CFAP47: variants seen among roughly 807,000 people sequenced by gnomAD.
The protein encoded by CFAP47 is cilia- and flagella-associated protein 47.
Under a neutral mutation model 148.1 loss-of-function variants are expected in CFAP47, and 29 were observed. That is an observed-to-expected ratio of 0.20 (90% CI 0.15 to 0.27). CFAP47 has a LOEUF of 0.27. Ranked by LOEUF, CFAP47 falls within the 10% of genes least tolerant of loss-of-function variation. The pLI is 1.00. For synonymous variants in CFAP47, 664 were observed against 577.3 expected, an observed-to-expected ratio of 1.15 and a Z score of -2.15; for missense variants, 1,872 against 1,697.5, an observed-to-expected ratio of 1.10 and a Z score of -1.81.
At chrX:36,009,107 C>T (rs1417413119) in intron 21 of CFAP47, among the ~76,000 whole-genome samples, 1 of 111,311 alleles carries the variant, frequency 9.0e-6, no homozygotes, top group Non-Finnish European at 1.9e-5. Flanking sequence ...TATAATTTTC[C>T]TTTTCTTCAC....
chrX:36,359,971 T>C (rs1421306910), intron 60 of CFAP47, among the ~76,000 whole-genome samples: 4 of 110,970 alleles, frequency 3.6e-5, no homozygotes, highest in Non-Finnish European at 5.7e-5. Flanking sequence ...GCCAGGATGG[T>C]CTCGATCTCC....
intron 39 of CFAP47, among the ~76,000 whole-genome samples, chrX:36,167,141 C>A (rs968260344): frequency 8.9e-6 from 1 of 112,048 alleles, no homozygotes. Context: ...GTTTAGCTTG[C>A]ATCTTTGTTG....
chrX:35,940,758 C>G (rs1157020450), intron 2 of CFAP47, among the ~76,000 whole-genome samples: 1 of 111,257 alleles, frequency 9.0e-6, no homozygotes, highest in Non-Finnish European at 1.9e-5. Context: ...CTTAGGGGTA[C>G]TTTTTAACCA....
In CFAP47 at chrX:36,065,714, T is replaced by A. The variant is rs1569247072; in HGVS notation, c.4289T>A (p.Leu1430Gln). Residue 1430 changes from leucine to glutamine, a missense_variant, in exon 27 of 64, where the codon CTG (leucine) becomes CAG (glutamine). By Grantham distance (113) the Leu-to-Gln change is moderately radical (BLOSUM62 -2). Transcript: ENST00000378653. ...LTIYPYMAIH[L>Q]DKQNIILKND... Reference sequence around the variant, plus strand: ...ATTTACCCATATATGGCAATTCATCTGGATAAGCAAAACATTATTTTAAAG... The same window carrying A: ...ATTTACCCATATATGGCAATTCATCAGGATAAGCAAAACATTATTTTAAAG... The A allele has an allele frequency of 8.5e-7, 1 of 1,177,780 alleles. No homozygotes were observed. The highest frequency in any genetic ancestry group is 1.2e-6 in the Non-Finnish European group (1 of 866,538).
At chrX:36,088,351 C>T (rs990949640) in intron 30 of CFAP47, among the ~76,000 whole-genome samples, 50 of 111,027 alleles carry the variant, frequency 4.5e-4, no homozygotes, top group African/African-American at 1.6e-3. Context: ...CTGAATTGTG[C>T]CCCATCCCAA....
At chrX:36,277,654 G>A (rs1419880797) in intron 49 of CFAP47, among the ~76,000 whole-genome samples, 1 of 112,398 alleles carries the variant, frequency 8.9e-6, no homozygotes, top group Non-Finnish European at 1.9e-5. Flanking sequence ...TATGTAGAAT[G>A]TGTTTTCAGT....
Position 35,971,934 on chromosome X carries a change from G to A in CFAP47, c.2223G>A (p.Leu741=). ...PQEKHDCSLM[L]TPKQIHQVIV... is the part of the protein sequence containing the mutation. The stretch of plus-strand genomic sequence containing the variant: ...AAAAACATGATTGCAGCTTAATGTT[G>A]ACACCAAAGCAAATTCATCAAGTAA... Residue 741 remains leucine (L), a synonymous_variant, in exon 13 of 64, where the codon TTG becomes TTA. Transcript: ENST00000378653. 1 of 1,192,107 alleles carries A rather than the reference G, an allele frequency of 8.4e-7. No individual in the cohort carries two copies. Among genetic ancestry groups the A allele is most frequent in the Non-Finnish European group, 1.1e-6 (1 of 881,088 alleles).
At chrX:36,303,999 A>G in intron 54 of CFAP47, 39 bp downstream of exon 54, 1 of 673,156 alleles carries the variant, frequency 1.5e-6, no homozygotes, top group Non-Finnish European at 2.3e-6. Flanking sequence ...TACTGCTGCT[A>G]GATCATTTTC....
At chrX:36,003,073 G>T (rs1016425520) in intron 21 of CFAP47, among the ~76,000 whole-genome samples, 16 of 111,052 alleles carry the variant, frequency 1.4e-4, no homozygotes, top group African/African-American at 5.2e-4. Context: ...GTTAGCAACA[G>T]TTATCTTTTT....
intron 42 of CFAP47, among the ~76,000 whole-genome samples, chrX:36,192,437 T>C (rs782006290): frequency 6.3e-5 from 7 of 111,821 alleles, no homozygotes; most frequent in African/African-American, 1.9e-4. Context: ...CAATGATGTA[T>C]TGATAAAACC....
At position 36,236,683 on chromosome X, in the gene CFAP47, T is replaced by C. The variant is rs1236800209; in HGVS notation, c.7159-3T>C. ...GACCTGAAATTTGTCTGGTTTCTCA[T>C]AGGGTAAACTTATTCTACAAAATGA... On this transcript the variant is annotated splice_polypyrimidine_tract_variant and splice_region_variant and intron_variant, in intron 47 of 63. Transcript: ENST00000378653. The C allele has an allele frequency of 1.9e-6, 1 of 522,440 alleles. No homozygotes were observed. Among genetic ancestry groups the C allele is most frequent in the East Asian group, 3.6e-5 (1 of 27,528 alleles). 43.1% of individuals were successfully genotyped at this position (522,440 alleles called of 1,213,427 possible).
In CFAP47 at chrX:35,955,244, T is replaced by A. The variant is rs745569224; in HGVS notation, c.1175-717T>A. 6.2e-5 allele frequency among the ~76,000 whole-genome samples: 7 copies of A among 112,243 alleles called. No homozygotes were observed. The South Asian group carries it at 2.2e-3, about 35-fold the overall frequency. Reference sequence around the variant, plus strand: ...CACAACCGGCTCCTCCTTCAGTCTCTTGTTTCAAGAAATGGCAATTCCATC... The same window carrying A: ...CACAACCGGCTCCTCCTTCAGTCTCATGTTTCAAGAAATGGCAATTCCATC... On this transcript the variant is annotated intron_variant, in intron 7 of 63. Coordinates refer to ENST00000378653, the MANE Select transcript of CFAP47 (RefSeq NM_001304548.2).
chrX:36,000,833 C>A (rs758206702), intron 20 of CFAP47, among the ~76,000 whole-genome samples: 4 of 111,436 alleles, frequency 3.6e-5, no homozygotes, highest in African/African-American at 1.3e-4. Context: ...TAGATTTAAA[C>A]AAAATACGCA....
At chrX:35,946,280 A>T (rs1430343198) in intron 3 of CFAP47, among the ~76,000 whole-genome samples, 1 of 112,170 alleles carries the variant, frequency 8.9e-6, no homozygotes, top group East Asian at 2.8e-4. Flanking sequence ...GTTAAATAAG[A>T]CATAGTAATG....
chrX:36,259,614 A>G (rs1416554286), intron 49 of CFAP47, among the ~76,000 whole-genome samples: 3 of 111,565 alleles, frequency 2.7e-5, no homozygotes, highest in Admixed American at 9.5e-5. Flanking sequence ...TCGTTTGTCA[A>G]TGGCAGAGCT....
chrX:36,171,305 G>C (rs1312291619), intron 39 of CFAP47, among the ~76,000 whole-genome samples: 1 of 110,230 alleles, frequency 9.1e-6, no homozygotes, highest in African/African-American at 3.3e-5. Flanking sequence ...AGTTTAATTA[G>C]ATCCCATTTG....
At chrX:36,312,445 A>T (rs1941401347) in intron 56 of CFAP47, among the ~76,000 whole-genome samples, 1 of 110,940 alleles carries the variant, frequency 9.0e-6, no homozygotes. Context: ...CTGGGATTTA[A>T]ATCATAAATT....
At chrX:36,234,554 G>A (rs190976228) in intron 46 of CFAP47, among the ~76,000 whole-genome samples, 2 of 111,610 alleles carry the variant, frequency 1.8e-5, no homozygotes, top group Admixed American at 1.9e-4. Flanking sequence ...TTTGCCTTTG[G>A]TTTGAATTTC....
chrX:36,155,798 G>A (rs1273537890), intron 37 of CFAP47, among the ~76,000 whole-genome samples: 1 of 111,196 alleles, frequency 9.0e-6, no homozygotes, highest in Non-Finnish European at 1.9e-5. Flanking sequence ...CTTATAGGAA[G>A]CAATTAATAA....
Sources: allele counts gnomAD v4.1 joint callset (sites outside exome capture counted in the v4.1 genomes callset), GRCh38; gene constraint gnomAD v4.1.1; transcripts MANE v1.5; gene names NCBI Gene and HGNC (gene_info 2026-07-23, HGNC 2026-07-21).